Variants in MYH11 observed in about 807,000 individuals in gnomAD.
MYH11 encodes myosin heavy chain 11, also known as myosin-11.
A neutral mutation model predicts 246.6 loss-of-function variants in MYH11; 80 were observed. That is an observed-to-expected ratio of 0.32 (90% CI 0.27 to 0.39). MYH11 has a LOEUF of 0.39. MYH11 is among the 10% of genes least tolerant of loss of function. MYH11 has a pLI of 1.00. For missense variants in MYH11, 2,158 were observed against 2,546.8 expected (o/e 0.85, Z 3.29); for synonymous variants, 1,071 against 1,015.5 (o/e 1.05, Z -1.04).
At chr16:15,841,390 G>A (rs564310810) in intron 1 of MYH11, among the ~76,000 whole-genome samples, 11 of 152,276 alleles carry the variant, frequency 7.2e-5, no homozygotes, top group East Asian at 1.9e-4. Flanking sequence ...CACCAGCCTC[G>A]GGCTCTCAAA....
intron 4 of MYH11, among the ~76,000 whole-genome samples, chr16:15,797,383 C>A (rs545960726): frequency 1.3e-5 from 2 of 151,960 alleles, no homozygotes; most frequent in South Asian, 4.2e-4. Flanking sequence ...TGCTGGTTTG[C>A]CCCTGTGTTT....
chr16:15,724,857 G>A (rs2040671100), intron 29 of MYH11, 31 bp downstream of exon 29: 1 of 1,613,834 alleles, frequency 6.2e-7, no homozygotes, highest in Non-Finnish European at 8.5e-7. Context: ...CCACCCCCCA[G>A]GTCCCCTGGA....
intron 1 of MYH11, among the ~76,000 whole-genome samples, chr16:15,839,984 G>A (rs1306440737): frequency 6.6e-6 from 1 of 152,164 alleles, no homozygotes; most frequent in African/African-American, 2.4e-5. Context: ...CTGGGAGGCA[G>A]AGGCTGCAGT....
intron 15 of MYH11, among the ~76,000 whole-genome samples, chr16:15,751,582 CCTT>C (rs1229649065): frequency 6.6e-6 from 1 of 151,402 alleles, no homozygotes; most frequent in Non-Finnish European, 1.5e-5. Context: ...CATTTCTTCA[CCTT>C]CTACTCAGAT....
chr16:15,732,788 C>T (rs1347117954), intron 26 of MYH11, 80 bp from the exon 27 acceptor site: 1 of 1,559,994 alleles, frequency 6.4e-7, no homozygotes, highest in Non-Finnish European at 8.8e-7. Context: ...AATGAGAGCT[C>T]TTCCAGGACC....
intron 3 of MYH11, among the ~76,000 whole-genome samples, chr16:15,819,310 G>A (rs2043342858): frequency 6.6e-6 from 1 of 152,182 alleles, no homozygotes; most frequent in Non-Finnish European, 1.5e-5. Context: ...GGGTGTCCTT[G>A]TCAATTACAA....
chr16:15,784,829 CCAGA>C (rs959801217), intron 5 of MYH11: 2 of 1,189,298 alleles, frequency 1.7e-6, no homozygotes, highest in African/African-American at 1.5e-5. Context: ...CTGGAGTCTC[CCAGA>C]CAGACTGGTC....
intron 38 of MYH11, 125 bp from the exon 39 acceptor site, chr16:15,715,397 C>T (rs2040071330): frequency 1.2e-6 from 1 of 822,316 alleles, no homozygotes. Context: ...TCTCAAGAAT[C>T]AGTCAGATGG....
chr16:15,724,581 G>A, intron 30 of MYH11, 66 bp downstream of exon 30: 1 of 1,610,984 alleles, frequency 6.2e-7, no homozygotes, highest in Non-Finnish European at 8.5e-7. Flanking sequence ...CGATCTGCCT[G>A]CGGGGGATCT....
At position 15,715,252 on chromosome 16, in the gene MYH11, TTGG is replaced by T; in HGVS notation, c.5522_5524del (p.Thr1841del). The stretch of plus-strand genomic sequence containing the variant: ...CTTCTTGTCTTTCTGCTTCAGCGAC[TTGG>T]TGGCCGCCTGTTTCTCTCTGCAAAC... On this transcript the variant is annotated inframe_deletion, in exon 39 of 41. Transcript: ENST00000300036. 1 of 1,614,086 alleles carries T rather than the reference TTGG, an allele frequency of 6.2e-7. No individual in the cohort carries two copies. The highest frequency in any genetic ancestry group is 8.5e-7 in the Non-Finnish European group (1 of 1,180,012).
At chr16:15,807,592 C>T (rs1053357044) in intron 3 of MYH11, among the ~76,000 whole-genome samples, 1 of 152,044 alleles carries the variant, frequency 6.6e-6, no homozygotes, top group African/African-American at 2.4e-5. Flanking sequence ...TGGGCGGGGA[C>T]ACAGTACCGA....
chr16:15,740,736 G>A (rs7186708), intron 22 of MYH11, among the ~76,000 whole-genome samples: 1 of 151,934 alleles, frequency 6.6e-6, no homozygotes, highest in Non-Finnish European at 1.5e-5. Flanking sequence ...AGTTCTTTGC[G>A]ACTCCAAAAA....
At chr16:15,756,121 T>C (rs1034810635) in intron 14 of MYH11, among the ~76,000 whole-genome samples, 2 of 152,128 alleles carry the variant, frequency 1.3e-5, no homozygotes, top group Non-Finnish European at 2.9e-5. Flanking sequence ...AAGAAATAAC[T>C]GTCTGGACGT....
intron 7 of MYH11, among the ~76,000 whole-genome samples, chr16:15,776,660 A>G (rs112653462): frequency 1.5e-3 from 224 of 152,382 alleles, no homozygotes; most frequent in African/African-American, 4.2e-3. Context: ...ACTGAGGCTC[A>G]GAGAAGAGAA....
Position 15,803,632 on chromosome 16 carries a change from G to A in MYH11, c.503-4945C>T, listed in dbSNP as rs747971221. ...CAGACAGAGAGAACCTCCTGGGACCGGCCCAGACAACCTCCACTATCTTAA... is the reference window on the plus strand; with the variant it reads ...CAGACAGAGAGAACCTCCTGGGACCAGCCCAGACAACCTCCACTATCTTAA... On this transcript the variant is annotated intron_variant, in intron 3 of 40. Transcript: ENST00000300036. Among the ~76,000 whole-genome samples, 40 of 152,138 alleles carry A rather than the reference G, an allele frequency of 2.6e-4. 1 individual carries two copies. Among genetic ancestry groups the A allele is most frequent in the African/African-American group, 9.4e-4 (39 of 41,422 alleles).
intron 27 of MYH11, among the ~76,000 whole-genome samples, chr16:15,729,765 G>C (rs1205037132): frequency 6.6e-6 from 1 of 151,960 alleles, no homozygotes; most frequent in Non-Finnish European, 1.5e-5. Flanking sequence ...TGGCCAGACT[G>C]GTCTCAAACT....
rs2041311742 is a variant in MYH11 at position 15,742,776 on chromosome 16, T to G, written c.2521-885A>C. On this transcript the variant is annotated intron_variant, in intron 20 of 40. Transcript: ENST00000300036. ...AAATTATAAGATATGTATTACCCCA[T>G]GCTGTTACATCATTCTTACAACTTT... 1.3e-5 allele frequency among the ~76,000 whole-genome samples: 2 copies of G among 151,914 alleles called. 1 individual carries two copies. Among genetic ancestry groups the G allele is most frequent in the South Asian group, 4.2e-4 (2 of 4,808 alleles).
At chr16:15,710,928 T>C (rs2039754920) in intron 40 of MYH11, among the ~76,000 whole-genome samples, 1 of 152,192 alleles carries the variant, frequency 6.6e-6, no homozygotes, top group African/African-American at 2.4e-5. Context: ...TCAGCCCACC[T>C]CAGCCTCCCA....
At chr16:15,812,951 G>A (rs1051635142) in intron 3 of MYH11, among the ~76,000 whole-genome samples, 4 of 152,234 alleles carry the variant, frequency 2.6e-5, no homozygotes, top group South Asian at 2.1e-4. Context: ...TGGATCACCT[G>A]AGGTCAGGAG....
Sources: gnomAD v4.1 joint callset for allele counts (sites outside exome capture counted in the v4.1 genomes callset) on GRCh38, gnomAD v4.1.1 for gene constraint, MANE v1.5 for transcripts, NCBI Gene and HGNC (gene_info 2026-07-23, HGNC 2026-07-21) for gene names.